The following LPP variants were observed in gnomAD, a reference collection of about 807,000 sequenced individuals.
LPP encodes the protein lipoma-preferred partner.
Under a neutral mutation model 60.4 loss-of-function variants are expected in LPP, and 38 were observed. That is an observed-to-expected ratio of 0.63 (90% CI 0.49 to 0.83). The LOEUF (loss-of-function observed/expected upper bound fraction) is 0.83, where lower values mean the gene tolerates loss of function less well. Among genes scored for constraint, LPP ranks in the 40% least tolerant of loss-of-function variants. The pLI is 0.00. For synonymous variants in LPP, 328 were observed against 290.8 expected (o/e 1.13, Z -1.30); for missense variants, 902 against 783.6 (o/e 1.15, Z -1.80).
rs10680234 is a variant in LPP, at chr3:188,440,949, A to ATGTGTGTGTGTG, written c.193+34647_193+34658dup. Among the ~76,000 whole-genome samples, 1,048 of 146,932 alleles carry ATGTGTGTGTGTG rather than the reference A, an allele frequency of 7.1e-3. 5 individuals are homozygous for ATGTGTGTGTGTG. Among genetic ancestry groups the ATGTGTGTGTGTG allele is most frequent in the South Asian group, 9.8e-3 (45 of 4,574 alleles). ...TCCAGTGTACTCTCTCTCCCTTAAT[A>ATGTGTGTGTGTG]TGTGTGTGTGTGTGTGTGTGTGCGC... On this transcript the variant is annotated intron_variant, in intron 4 of 11. Transcript: ENST00000617246.
chr3:188,731,511 T>TG, intron 8 of LPP, among the ~76,000 whole-genome samples: 1 of 101,306 alleles, frequency 9.9e-6, no homozygotes, highest in African/African-American at 4.1e-5. Context: ...TTTATTTTTT[T>TG]GTTTTTTTTG....
At chr3:188,377,255 C>T (rs897611463) in intron 3 of LPP, among the ~76,000 whole-genome samples, 6 of 152,170 alleles carry the variant, frequency 3.9e-5, no homozygotes, top group Non-Finnish European at 8.8e-5. Flanking sequence ...GTTGGCCTGC[C>T]TTGCTAGATT....
chr3:188,812,384 T>C (rs1056424786), intron 9 of LPP, among the ~76,000 whole-genome samples: 3 of 152,246 alleles, frequency 2.0e-5, no homozygotes, highest in South Asian at 2.1e-4. Flanking sequence ...AAATCTCCAG[T>C]TCCACAATGG....
intron 4 of LPP, chr3:188,472,526 G>T (rs1347274290): frequency 1.3e-5 from 2 of 152,286 alleles, no homozygotes; most frequent in Admixed American, 6.5e-5. Context: ...AGTGAGTAAT[G>T]GTTGGCATCA....
chr3:188,794,786 A>G (rs754984364), intron 9 of LPP, among the ~76,000 whole-genome samples: 15 of 152,098 alleles, frequency 9.9e-5, no homozygotes, highest in Non-Finnish European at 2.2e-4. Flanking sequence ...GATTATGCTC[A>G]GCCCCGGGAA....
intron 6 of LPP, among the ~76,000 whole-genome samples, chr3:188,543,086 A>G (rs1825649047): frequency 6.6e-6 from 1 of 152,174 alleles, no homozygotes; most frequent in Non-Finnish European, 1.5e-5. Context: ...TCTTTCCTTT[A>G]GGATGTGACT....
intron 1 of LPP, among the ~76,000 whole-genome samples, chr3:188,160,352 G>A (rs1261553053): frequency 2.0e-5 from 3 of 151,854 alleles, no homozygotes; most frequent in African/African-American, 7.3e-5. Context: ...CTGCTGGCAC[G>A]CCTGGCTAAT....
rs150408608 is a variant in LPP at position 188,499,059 on chromosome 3, T to C, written c.306+14355T>C. ...ATATATTCTGAATATTAATCCCTTA[T>C]CAGGTATGATTTGATAATACTTTCT... is the stretch of plus-strand genomic sequence containing the variant. On this transcript the variant is annotated intron_variant, in intron 5 of 11. Coordinates refer to ENST00000617246, the MANE Select transcript of LPP (RefSeq NM_001375462.1). Among the ~76,000 whole-genome samples the C allele has an allele frequency of 4.2e-4, 64 of 152,322 alleles. No individual in the cohort carries two copies. In the East Asian group the frequency reaches 9.6e-3, roughly 23 times the overall value.
In LPP at chr3:188,877,314, ATAG is replaced by A. The variant is rs1427107249; in HGVS notation, c.*2839_*2841del. ...TAATTGTTGTGGTTTAAATACATAA[ATAG>A]TAGAAAAATCAGAGTCTATAACAGA... is the stretch of plus-strand genomic sequence containing the variant. On this transcript the variant is annotated 3_prime_UTR_variant, in exon 12 of 12. Coordinates refer to ENST00000617246, the MANE Select transcript of LPP (RefSeq NM_001375462.1). 18 of 178,708 alleles carry A rather than the reference ATAG, an allele frequency of 1.0e-4. No homozygotes were observed. The highest frequency in any genetic ancestry group is 1.4e-4 in the Non-Finnish European group (12 of 83,344). 11.1% of individuals were successfully genotyped at this position (178,708 alleles called of 1,614,324 possible).
At chr3:188,748,938 C>A (rs1230675315) in intron 8 of LPP, among the ~76,000 whole-genome samples, 1 of 151,990 alleles carries the variant, frequency 6.6e-6, no homozygotes, top group African/African-American at 2.4e-5. Context: ...TTTGCCTCAA[C>A]ACAGCTCTGC....
intron 9 of LPP, among the ~76,000 whole-genome samples, chr3:188,851,436 A>G (rs1762653935): frequency 6.6e-6 from 1 of 152,224 alleles, no homozygotes; most frequent in East Asian, 1.9e-4. Context: ...TTTTGCAGGG[A>G]TAATCAAGAG....
intron 2 of LPP, among the ~76,000 whole-genome samples, chr3:188,277,103 C>G (rs572450713): frequency 1.5e-3 from 228 of 151,838 alleles, no homozygotes; most frequent in South Asian, 2.7e-3. Context: ...GGGGTTTTGC[C>G]CCTTTGGCCA....
rs762592398 is a variant in LPP at position 188,708,319 on chromosome 3, C to A, written c.1166C>A (p.Pro389Gln). 6 of 1,614,040 alleles carry A rather than the reference C, an allele frequency of 3.7e-6. No homozygotes were observed. The highest frequency in any genetic ancestry group is 5.1e-6 in the Non-Finnish European group (6 of 1,180,010). The change falls in exon 8 of 12, where the codon CCA (proline) becomes CAA (glutamine). Residue 389 changes from proline to glutamine, a missense_variant. Physicochemically the swap from Pro to Gln is moderately conservative, Grantham distance 76. Transcript: ENST00000617246. ...GPSSVAPSFR[P>Q]EDELEHLTKK... ...TCGTCAGTTGCCCCTTCATTCCGCCCAGAGGATGAGCTTGAGCACCTGACC... is the reference window on the plus strand; with the variant it reads ...TCGTCAGTTGCCCCTTCATTCCGCCAAGAGGATGAGCTTGAGCACCTGACC...
intron 8 of LPP, among the ~76,000 whole-genome samples, chr3:188,744,091 C>T (rs972325759): frequency 2.2e-4 from 33 of 152,128 alleles, no homozygotes; most frequent in African/African-American, 6.8e-4. Context: ...TATAACCATA[C>T]GCACAAACAT....
In LPP at chr3:188,458,342, T is replaced by G. The variant is rs1798233691; in HGVS notation, c.194-26250T>G. On this transcript the variant is annotated intron_variant, in intron 4 of 11. Coordinates refer to ENST00000617246, the MANE Select transcript of LPP (RefSeq NM_001375462.1). ...GACTTCTTGATTTTGAAGAGTTGTC[T>G]GCATTTTTATAAAACTACATGAGCA... Among the ~76,000 whole-genome samples, 4 of 152,244 alleles carry G rather than the reference T, an allele frequency of 2.6e-5. No homozygotes were observed. In the South Asian group the frequency reaches 8.3e-4, roughly 31 times the overall value.
chr3:188,368,338 A>AAC (rs1410284926), intron 3 of LPP, among the ~76,000 whole-genome samples: 1 of 151,944 alleles, frequency 6.6e-6, no homozygotes, highest in African/African-American at 2.4e-5. Context: ...TGGAAGAAAC[A>AAC]ACACCCTTTT....
At chr3:188,199,508 C>G (rs1027844967) in intron 1 of LPP, among the ~76,000 whole-genome samples, 16 of 152,008 alleles carry the variant, frequency 1.1e-4, no homozygotes. Flanking sequence ...GCAGGCGCAC[C>G]TGTATGGTGC....
chr3:188,245,125 T>C (rs1206174572), intron 2 of LPP, among the ~76,000 whole-genome samples: 4 of 152,134 alleles, frequency 2.6e-5, no homozygotes, highest in Admixed American at 6.5e-5. Context: ...GCCTTTTTTT[T>C]CTTTTGAAAC....
chr3:188,802,161 GTAGTC>G (rs1747473328), intron 9 of LPP, among the ~76,000 whole-genome samples: 1 of 152,134 alleles, frequency 6.6e-6, no homozygotes, highest in South Asian at 2.1e-4. Flanking sequence ...GGTCAACGTA[GTAGTC>G]TGAGGGCATT....
Sources: allele counts gnomAD v4.1 joint callset (sites outside exome capture counted in the v4.1 genomes callset), GRCh38; gene constraint gnomAD v4.1.1; transcripts MANE v1.5; gene names NCBI Gene and HGNC (gene_info 2026-07-23, HGNC 2026-07-21).